The following STARD13 variants were observed in gnomAD, a reference collection of about 807,000 sequenced individuals.
STARD13 encodes the protein StAR related lipid transfer domain containing 13, also known as stAR-related lipid transfer protein 13.
A neutral mutation model predicts 106.4 loss-of-function variants in STARD13; 62 were observed. The ratio of observed to expected loss-of-function variants is 0.58; its 90% CI spans 0.48 to 0.72. The LOEUF (loss-of-function observed/expected upper bound fraction) is 0.72. Ranked by LOEUF, STARD13 falls within the 30% of genes least tolerant of loss-of-function variation. The pLI is 0.00. For synonymous variants in STARD13, 565 were observed against 553.0 expected (o/e 1.02, Z -0.31); for missense variants, 1,387 against 1,424.0 (o/e 0.97, Z 0.42).
intron 1 of STARD13, among the ~76,000 whole-genome samples, chr13:33,193,509 A>T (rs1886398495): frequency 6.6e-6 from 1 of 152,216 alleles, no homozygotes; most frequent in Non-Finnish European, 1.5e-5. Context: ...CACCCTCATG[A>T]CACTCAGGTA....
At chr13:33,178,818 C>CA (rs1566053927) in intron 1 of STARD13, among the ~76,000 whole-genome samples, 1 of 152,042 alleles carries the variant, frequency 6.6e-6, no homozygotes, top group African/African-American at 2.4e-5. Flanking sequence ...AGGTTGTACT[C>CA]AAAAAACAAA....
chr13:33,595,434 A>G, the STARD13 span, among the ~76,000 whole-genome samples: 1 of 152,208 alleles, frequency 6.6e-6, no homozygotes, highest in Non-Finnish European at 1.5e-5. Context: ...AGGAGTTAAA[A>G]ATTAAATGGA....
intron 1 of STARD13, among the ~76,000 whole-genome samples, chr13:33,172,125 T>C (rs1320370915): frequency 6.6e-6 from 1 of 152,212 alleles, no homozygotes; most frequent in Non-Finnish European, 1.5e-5. Flanking sequence ...ACACCTAACT[T>C]TATATATGTT....
chr13:33,245,856 A>AT (rs899208851), intron 1 of STARD13, among the ~76,000 whole-genome samples: 1 of 152,192 alleles, frequency 6.6e-6, no homozygotes, highest in African/African-American at 2.4e-5. Context: ...ATTCTCCCCC[A>AT]ACCTTTTTTG....
At chr13:33,577,643 A>G in the STARD13 span, among the ~76,000 whole-genome samples, 1 of 152,134 alleles carries the variant, frequency 6.6e-6, no homozygotes, top group Non-Finnish European at 1.5e-5. Context: ...TTTTTAACAA[A>G]TGATGCTGGA....
intron 1 of STARD13, among the ~76,000 whole-genome samples, chr13:33,311,016 G>C (rs903128196): frequency 6.6e-6 from 1 of 151,950 alleles, no homozygotes; most frequent in East Asian, 1.9e-4. Context: ...TAAAAGATAG[G>C]CTGGGTGAGG....
chr13:33,458,234 A>G, the STARD13 span, among the ~76,000 whole-genome samples: 4 of 151,898 alleles, frequency 2.6e-5, no homozygotes, highest in Non-Finnish European at 1.5e-5. Context: ...GTTATCACTT[A>G]AAGTTGAAAT....
the STARD13 span, among the ~76,000 whole-genome samples, chr13:33,370,275 A>AAATGATTTGATCCTCCCAGAATCAAATG: frequency 1.3e-5 from 2 of 152,224 alleles, no homozygotes; most frequent in Admixed American, 1.3e-4. Flanking sequence ...AGAATCAAAT[A>AAATGATTTGATCCTCCCAGAATCAAATG]AATGATTTGA....
intron 1 of STARD13, among the ~76,000 whole-genome samples, chr13:33,267,664 C>A (rs1243318987): frequency 6.6e-6 from 1 of 152,190 alleles, no homozygotes; most frequent in Non-Finnish European, 1.5e-5. Context: ...AATAGAAAGA[C>A]AATAAATGCA....
chr13:33,541,184 T>G, the STARD13 span, among the ~76,000 whole-genome samples: 1 of 152,034 alleles, frequency 6.6e-6, no homozygotes, highest in Non-Finnish European at 1.5e-5. Context: ...AAAAAAAAAG[T>G]AAGCAACTAA....
At chr13:33,406,037 G>A in the STARD13 span, among the ~76,000 whole-genome samples, 2 of 152,156 alleles carry the variant, frequency 1.3e-5, no homozygotes, top group Non-Finnish European at 2.9e-5. Context: ...GAGAAAAATC[G>A]AGCTTCAGGC....
In STARD13 at chr13:33,118,207, C is replaced by A. The variant is rs1048992106; in HGVS notation, c.2139G>T (p.Met713Ile). ...TGACGTTCTCAGGGAAGTTTTCATT[C>A]ATTTGGCGAAGGGCATGGATTCGAG... ...VKSRIHALRQ[M>I]NENFPENVNY... The change falls in exon 8 of 14, where the codon ATG becomes ATT. Residue 713 changes from methionine to isoleucine, a missense_variant. Physicochemically the swap from Met to Ile is conservative, Grantham distance 10. Coordinates refer to ENST00000336934, the MANE Select transcript of STARD13 (RefSeq NM_178006.4). 7.4e-6 allele frequency: 12 copies of A among 1,614,086 alleles called. No homozygotes were observed. The highest frequency in any genetic ancestry group is 9.3e-6 in the Non-Finnish European group (11 of 1,180,052).
chr13:33,439,984 T>C, the STARD13 span, among the ~76,000 whole-genome samples: 1 of 152,192 alleles, frequency 6.6e-6, no homozygotes, highest in Non-Finnish European at 1.5e-5. Context: ...TAAAGATTTA[T>C]ACAATACAGG....
chr13:33,466,964 T>C, the STARD13 span, among the ~76,000 whole-genome samples: 1 of 151,900 alleles, frequency 6.6e-6, no homozygotes, highest in Non-Finnish European at 1.5e-5. Flanking sequence ...TAATATCAAA[T>C]AAAAATCAAT....
At chr13:33,148,308 G>T (rs1880820893) in intron 3 of STARD13, among the ~76,000 whole-genome samples, 1 of 152,054 alleles carries the variant, frequency 6.6e-6, no homozygotes, top group South Asian at 2.1e-4. Context: ...TACAGAGAGA[G>T]CATATTTGCA....
the STARD13 span, among the ~76,000 whole-genome samples, chr13:33,408,550 T>C: frequency 6.6e-6 from 1 of 152,214 alleles, no homozygotes; most frequent in African/African-American, 2.4e-5. Context: ...TATTCATTTG[T>C]CTATGGGTGG....
At chr13:33,605,240 A>G in the STARD13 span, among the ~76,000 whole-genome samples, 1 of 118,642 alleles carries the variant, frequency 8.4e-6, no homozygotes, top group Non-Finnish European at 1.7e-5. Flanking sequence ...TCCTGTCTCA[A>G]AAAAAAAAAA....
chr13:33,443,363 C>A, the STARD13 span, among the ~76,000 whole-genome samples: 1 of 142,356 alleles, frequency 7.0e-6, no homozygotes, highest in Non-Finnish European at 1.5e-5. Flanking sequence ...GGCAACAAAG[C>A]GAGATTCTGT....
intron 1 of STARD13, among the ~76,000 whole-genome samples, chr13:33,220,303 C>G (rs1888284073): frequency 6.6e-6 from 1 of 152,114 alleles, no homozygotes; most frequent in Non-Finnish European, 1.5e-5. Flanking sequence ...GGAAATAACT[C>G]TAATTATTTA....
Sources: gnomAD v4.1 joint callset for allele counts (sites outside exome capture counted in the v4.1 genomes callset) on GRCh38, gnomAD v4.1.1 for gene constraint, MANE v1.5 for transcripts, NCBI Gene and HGNC (gene_info 2026-07-23, HGNC 2026-07-21) for gene names.